CEP128: variants seen among roughly 807,000 people sequenced by gnomAD.
CEP128 encodes the protein centrosomal protein 128.
In CEP128, 132 loss-of-function variants were observed where a neutral mutation model predicts 156.7. The observed-to-expected ratio is 0.84, with a 90% confidence interval of 0.73 to 0.97. The LOEUF is 0.97. Ranked by LOEUF, CEP128 falls within the 50% of genes least tolerant of loss-of-function variation. CEP128 has a pLI of 0.00. For synonymous variants in CEP128, 469 were observed against 448.9 expected (o/e 1.04, Z -0.57); for missense variants, 1,252 against 1,281.9 (o/e 0.98, Z 0.36).
At chr14:80,871,038 T>C (rs1436987324) in intron 8 of CEP128, among the ~76,000 whole-genome samples, 1 of 151,086 alleles carries the variant, frequency 6.6e-6, no homozygotes, top group African/African-American at 2.4e-5. Context: ...AGATTTGTAC[T>C]CTGAAAATAA....
intron 21 of CEP128, among the ~76,000 whole-genome samples, chr14:80,535,879 A>C (rs1001511409): frequency 2.0e-5 from 3 of 152,206 alleles, no homozygotes; most frequent in Non-Finnish European, 4.4e-5. Flanking sequence ...TTGATGTTTT[A>C]TGTATTTCCT....
chr14:80,776,539 AATTATATATATT>A (rs1383500438), intron 16 of CEP128, among the ~76,000 whole-genome samples: 1 of 147,812 alleles, frequency 6.8e-6, no homozygotes, highest in Non-Finnish European at 1.5e-5. Flanking sequence ...AATATATATT[AATTATATATATT>A]ATTATATATA....
At chr14:80,787,619 G>T (rs1351581667) in intron 14 of CEP128, among the ~76,000 whole-genome samples, 1 of 152,074 alleles carries the variant, frequency 6.6e-6, no homozygotes, top group East Asian at 1.9e-4. Flanking sequence ...GAGAACACAA[G>T]AACTGATAGA....
rs1264467671 is a variant in CEP128 at position 80,571,065 on chromosome 14, T to C, written c.2856+9309A>G. ...CTGACATCAGGACAGCTGAAGCACA[T>C]GGCAGTCAATACCACTGCGGAAACA... On this transcript the variant is annotated intron_variant, in intron 20 of 24. Coordinates refer to ENST00000555265, the MANE Select transcript of CEP128 (RefSeq NM_152446.5). 3.3e-5 allele frequency among the ~76,000 whole-genome samples: 5 copies of C among 152,204 alleles called. No individual in the cohort carries two copies. In the East Asian group the frequency reaches 9.6e-4, roughly 29 times the overall value.
chr14:80,712,997 A>G (rs1168303148), intron 19 of CEP128, among the ~76,000 whole-genome samples: 1 of 152,180 alleles, frequency 6.6e-6, no homozygotes, highest in East Asian at 1.9e-4. Context: ...CTGGAAAAGA[A>G]AAACCAAAAG....
chr14:80,541,204 C>CTT (rs1048794539), intron 21 of CEP128, among the ~76,000 whole-genome samples: 36 of 152,158 alleles, frequency 2.4e-4, no homozygotes, highest in African/African-American at 8.4e-4. Context: ...CTCTAATAAC[C>CTT]TTTTTGGCAC....
chr14:80,801,126 G>C (rs1883819303), intron 13 of CEP128, among the ~76,000 whole-genome samples: 1 of 152,172 alleles, frequency 6.6e-6, no homozygotes, highest in African/African-American at 2.4e-5. Context: ...ATGAGTTCAA[G>C]GACTTTTTTG....
chr14:80,862,942 T>C (rs1595514599), intron 8 of CEP128, 69 bp from the exon 9 acceptor site: 8 of 1,101,298 alleles, frequency 7.3e-6, no homozygotes, highest in East Asian at 4.7e-5. Flanking sequence ...ATTGAGAAGA[T>C]AGTTTTATAG....
At chr14:80,876,642 A>G (rs1049769702) in intron 8 of CEP128, among the ~76,000 whole-genome samples, 3 of 151,986 alleles carry the variant, frequency 2.0e-5, no homozygotes, top group Non-Finnish European at 4.4e-5. Context: ...TGATTTCTCA[A>G]TAGAAGCAAT....
At chr14:80,673,235 G>C (rs936521766) in intron 19 of CEP128, among the ~76,000 whole-genome samples, 2 of 152,112 alleles carry the variant, frequency 1.3e-5, no homozygotes, top group African/African-American at 4.8e-5. Flanking sequence ...ATACGTCTTT[G>C]CGGTATTTGT....
chr14:80,770,931 C>T (rs1566904781), intron 16 of CEP128, among the ~76,000 whole-genome samples: 4 of 152,112 alleles, frequency 2.6e-5, no homozygotes, highest in South Asian at 2.1e-4. Flanking sequence ...CCATCAAATA[C>T]CTCTTAGTCA....
chr14:80,584,926 T>A (rs1271025005), intron 19 of CEP128, among the ~76,000 whole-genome samples: 1 of 152,238 alleles, frequency 6.6e-6, no homozygotes, highest in Non-Finnish European at 1.5e-5. Context: ...CACTGACATG[T>A]TCGTGTTTTC....
chr14:80,928,940 C>T (rs1257683359), intron 2 of CEP128, among the ~76,000 whole-genome samples: 1 of 151,822 alleles, frequency 6.6e-6, no homozygotes. Flanking sequence ...GAGCAAACAA[C>T]CTACAGGATG....
chr14:80,678,874 G>C (rs1032735455), intron 19 of CEP128, among the ~76,000 whole-genome samples: 3 of 152,168 alleles, frequency 2.0e-5, no homozygotes, highest in Admixed American at 6.5e-5. Flanking sequence ...GGACTGGCTG[G>C]AACCGTGGCA....
At chr14:80,738,143 T>C (rs1342128829) in intron 19 of CEP128, among the ~76,000 whole-genome samples, 1 of 152,186 alleles carries the variant, frequency 6.6e-6, no homozygotes, top group Non-Finnish European at 1.5e-5. Flanking sequence ...GAATAAGTGA[T>C]AGACGAATGA....
downstream of CEP128, among the ~76,000 whole-genome samples, chr14:80,492,653 T>C (rs1226814235): frequency 1.3e-5 from 2 of 152,234 alleles, no homozygotes; most frequent in Non-Finnish European, 2.9e-5. Context: ...AAGTGTCTTG[T>C]ACTTTTGAAA....
At chr14:80,717,467 G>T (rs1295536204) in intron 19 of CEP128, among the ~76,000 whole-genome samples, 1 of 152,152 alleles carries the variant, frequency 6.6e-6, no homozygotes, top group Non-Finnish European at 1.5e-5. Flanking sequence ...AGCTGTAGCT[G>T]ACTTAGAACA....
Position 80,795,401 on chromosome 14 carries a change from T to A in CEP128, c.1210-2291A>T, listed in dbSNP as rs1373057421. On this transcript the variant is annotated intron_variant, in intron 13 of 24. Coordinates refer to ENST00000555265, the MANE Select transcript of CEP128 (RefSeq NM_152446.5). Reference sequence around the variant, plus strand: ...TGAGATTTCTTTTGCTAGCTTTAAATCCTGGCTCTCTAACCCAAACACTGT... The same window carrying A: ...TGAGATTTCTTTTGCTAGCTTTAAAACCTGGCTCTCTAACCCAAACACTGT... Among the ~76,000 whole-genome samples the A allele has an allele frequency of 2.6e-5, 4 of 152,242 alleles. No homozygotes were observed. The East Asian group carries it at 7.7e-4, about 29-fold the overall frequency.
At chr14:80,562,343 C>CCTGA (rs33919493) in intron 20 of CEP128, among the ~76,000 whole-genome samples, 85,521 of 151,374 alleles carry the variant, frequency 0.56, 24,409 homozygotes, top group East Asian at 0.72. Context: ...AGTTCATTAA[C>CCTGA]CTTTCAGTAA....
Sources: allele counts gnomAD v4.1 joint callset (sites outside exome capture counted in the v4.1 genomes callset), GRCh38; gene constraint gnomAD v4.1.1; transcripts MANE v1.5; gene names NCBI Gene and HGNC (gene_info 2026-07-23, HGNC 2026-07-21).